ZNF529: variants seen among roughly 807,000 people sequenced by gnomAD.
The protein encoded by ZNF529 is zinc finger protein 529.
ZNF529 carries 11 observed loss-of-function variants against 10.1 expected under a neutral mutation model. The ratio of observed to expected loss-of-function variants is 1.09; its 90% confidence interval spans 0.69 to 1.81. The LOEUF (loss-of-function observed/expected upper bound fraction) is 1.81. Ranked by LOEUF, ZNF529 falls within the 40% of genes most tolerant of loss-of-function variation. The probability of loss-of-function intolerance (pLI) is 0.00; values close to 1 mark genes in which losing one functional copy is unlikely to be tolerated. For synonymous variants in ZNF529, 204 were observed against 215.7 expected, an observed-to-expected ratio of 0.95 and a Z score of 0.47; for missense variants, 624 against 666.8, an observed-to-expected ratio of 0.94 and a Z score of 0.71.
upstream of ZNF529, chr19:36,577,421 A>G: frequency 3.8e-6 from 1 of 265,412 alleles, no homozygotes; most frequent in Non-Finnish European, 7.5e-6. Flanking sequence ...TCCCATTTAT[A>G]CAGCTCTATT....
intron 2 of ZNF529, among the ~76,000 whole-genome samples, chr19:36,567,294 T>C (rs2035935646): frequency 6.6e-6 from 1 of 152,016 alleles, no homozygotes; most frequent in South Asian, 2.1e-4. Context: ...AATATCCACA[T>C]GCAAAAGAAT....
chr19:36,586,569 C>A (rs2036583951), intron 2 of ZNF529, among the ~76,000 whole-genome samples: 1 of 151,632 alleles, frequency 6.6e-6, no homozygotes, highest in Admixed American at 6.6e-5. Flanking sequence ...CATGCCATTG[C>A]ACTCCAGCCT....
chr19:36,548,429 A>G, intron 4 of ZNF529, 107 bp from the exon 5 acceptor site: 1 of 1,086,762 alleles, frequency 9.2e-7, no homozygotes, highest in South Asian at 1.8e-5. Flanking sequence ...TGGTTAAAAT[A>G]CTGTCATGAA....
chr19:36,559,264 C>A (rs1198344232), intron 2 of ZNF529, among the ~76,000 whole-genome samples: 1 of 152,230 alleles, frequency 6.6e-6, no homozygotes, highest in African/African-American at 2.4e-5. Context: ...TACAATCCAG[C>A]AATTCTGCTT....
At chr19:36,594,759 C>T (rs1287115510) in intron 1 of ZNF529, 1 of 152,214 alleles carries the variant, frequency 6.6e-6, no homozygotes, top group Admixed American at 6.5e-5. Flanking sequence ...ACTGCCTGAT[C>T]ACACCACACA....
chr19:36,587,715 C>T (rs1039747144), intron 2 of ZNF529, among the ~76,000 whole-genome samples: 2 of 152,216 alleles, frequency 1.3e-5, no homozygotes, highest in Middle Eastern at 3.4e-3. Context: ...GTTACAGGGA[C>T]GAACCTTCAA....
intron 2 of ZNF529, among the ~76,000 whole-genome samples, chr19:36,563,492 G>A (rs112188089): frequency 1.1e-4 from 17 of 151,530 alleles, no homozygotes; most frequent in African/African-American, 4.1e-4. Context: ...GTAAGACGAT[G>A]GAAAAAACGG....
intron 4 of ZNF529, among the ~76,000 whole-genome samples, chr19:36,549,659 C>T (rs551734326): frequency 2.6e-5 from 4 of 152,064 alleles, no homozygotes; most frequent in Admixed American, 2.6e-4. Context: ...TTGCTTATTC[C>T]CTCTTATGCA....
chr19:36,588,470 T>C (rs2036630576), intron 2 of ZNF529, among the ~76,000 whole-genome samples: 1 of 152,140 alleles, frequency 6.6e-6, no homozygotes, highest in African/African-American at 2.4e-5. Context: ...TGAGGATAGA[T>C]AGGTGTGATG....
At chr19:36,561,979 T>C (rs1287681477) in intron 2 of ZNF529, among the ~76,000 whole-genome samples, 1 of 152,216 alleles carries the variant, frequency 6.6e-6, no homozygotes. Context: ...CTCATGCCTA[T>C]AATCCCAGCA....
intron 1 of ZNF529, among the ~76,000 whole-genome samples, chr19:36,599,981 G>A (rs1359263670): frequency 6.6e-6 from 1 of 151,780 alleles, no homozygotes; most frequent in African/African-American, 2.4e-5. Context: ...TGATTCTCCT[G>A]CCTCAGCCTC....
intron 1 of ZNF529, among the ~76,000 whole-genome samples, chr19:36,600,729 G>A (rs963898622): frequency 6.6e-6 from 1 of 152,086 alleles, no homozygotes; most frequent in Admixed American, 6.6e-5. Context: ...ACAATAATTA[G>A]GTATATAATT....
At chr19:36,564,498 C>T (rs2035823573) in intron 2 of ZNF529, among the ~76,000 whole-genome samples, 1 of 152,176 alleles carries the variant, frequency 6.6e-6, no homozygotes, top group Non-Finnish European at 1.5e-5. Flanking sequence ...TTTTTAAATG[C>T]CCCACACCAC....
At chr19:36,577,637 A>G (rs1348470217), upstream of ZNF529, 1 of 152,524 alleles carries the variant, frequency 6.6e-6, no homozygotes, top group East Asian at 1.9e-4. Flanking sequence ...ATGCAACCAC[A>G]TGCAGCTATT....
At chr19:36,593,811 C>A (rs2036780067) in intron 1 of ZNF529, 1 of 152,148 alleles carries the variant, frequency 6.6e-6, no homozygotes, top group Non-Finnish European at 1.5e-5. Flanking sequence ...TGGTTAAGAA[C>A]TTGTCAGTCT....
chr19:36,594,306 T>C (rs533530930), intron 1 of ZNF529: 1 of 152,276 alleles, frequency 6.6e-6, no homozygotes, highest in South Asian at 2.1e-4. Context: ...AGAGGTACAG[T>C]CTATTTCCCT....
intron 1 of ZNF529, among the ~76,000 whole-genome samples, chr19:36,596,594 C>T (rs1367898122): frequency 1.3e-5 from 2 of 151,578 alleles, no homozygotes; most frequent in African/African-American, 2.4e-5. Context: ...CTCAGCTCAC[C>T]GCAGCCTCTG....
intron 1 of ZNF529, among the ~76,000 whole-genome samples, chr19:36,601,380 A>G (rs2036921521): frequency 6.6e-6 from 1 of 152,018 alleles, no homozygotes; most frequent in African/African-American, 2.4e-5. Flanking sequence ...CTGGGATTAC[A>G]GGTGTGAGTC....
intron 2 of ZNF529, among the ~76,000 whole-genome samples, chr19:36,588,503 G>C (rs956136564): frequency 6.6e-5 from 10 of 152,078 alleles, no homozygotes; most frequent in Admixed American, 2.6e-4. Flanking sequence ...TCATTCACTT[G>C]GTCTGCCCTG....
Sources: allele counts gnomAD v4.1 joint callset (sites outside exome capture counted in the v4.1 genomes callset), GRCh38; gene constraint gnomAD v4.1.1; transcripts MANE v1.5; gene names NCBI Gene and HGNC (gene_info 2026-07-23, HGNC 2026-07-21).